Variants in ATM observed in about 807,000 individuals in gnomAD.
ATM encodes serine-protein kinase ATM.
A neutral mutation model predicts 387.0 loss-of-function variants in ATM; 308 were observed. The ratio of observed to expected loss-of-function variants is 0.80; its 90% confidence interval spans 0.73 to 0.87. The LOEUF is 0.87. Among genes scored for constraint, ATM ranks in the 40% least tolerant of loss-of-function variants. ATM has a pLI of 0.00. For synonymous variants in ATM, 1,156 were observed against 1,187.3 expected, an observed-to-expected ratio of 0.97 and a Z score of 0.54; for missense variants, 3,312 against 3,560.9, an observed-to-expected ratio of 0.93 and a Z score of 1.78.
chr11:108,363,073 C>A (rs227094), intron 61 of ATM, among the ~76,000 whole-genome samples: 83,001 of 152,054 alleles, frequency 0.55, 23,138 homozygotes, highest in Middle Eastern at 0.74. Flanking sequence ...CGAATTTCCC[C>A]AAATCATTTG....
At position 108,251,872 on chromosome 11, in the gene ATM, C is replaced by A. The variant is rs2135339708; in HGVS notation, c.1643C>A (p.Thr548Asn). 6.2e-7 allele frequency: 1 copy of A among 1,613,782 alleles called. No individual in the cohort carries two copies. The highest frequency in any genetic ancestry group is 8.5e-7 in the Non-Finnish European group (1 of 1,179,826). The change falls in exon 11 of 63, where the codon ACC becomes AAC. Residue 548 changes from threonine to asparagine, a missense_variant. By Grantham distance (65) the Thr-to-Asn change is moderately conservative. Coordinates refer to ENST00000675843, the MANE Select transcript of ATM (RefSeq NM_000051.4). Reference sequence around the variant, plus strand: ...TGCTGTTTGACTTTGGCACTGACCACCAGTATAGTTCCAGGAACGGTAAAA... The same window carrying A: ...TGCTGTTTGACTTTGGCACTGACCAACAGTATAGTTCCAGGAACGGTAAAA... ...AVCCLTLALT[T>N]SIVPGTVKMG...
chr11:108,233,964 A>C (rs1391946843), intron 4 of ATM, among the ~76,000 whole-genome samples: 1 of 152,200 alleles, frequency 6.6e-6, no homozygotes, highest in East Asian at 1.9e-4. Context: ...TTTTATTATA[A>C]TATTAATTTC....
At position 108,365,400 on chromosome 11, in the gene ATM, A is replaced by G. The variant is rs1555151874; in HGVS notation, c.9063A>G (p.Glu3021=). 6.2e-7 allele frequency: 1 copy of G among 1,614,220 alleles called. No homozygotes were observed. The highest frequency in any genetic ancestry group is 1.1e-5 in the South Asian group (1 of 91,082). ...TACAAGAGAAACTGAAAGGAGTGGA[A>G]GAAGGCACTGTGCTCAGTGTTGGTG... ...MRLQEKLKGV[E]EGTVLSVGGQ... The change falls in exon 63 of 63, where the codon GAA becomes GAG. Residue 3021 remains glutamate (E), a synonymous_variant. Transcript: ENST00000675843.
rs186524114 is a variant in ATM at position 108,348,775 on chromosome 11, T to C, written c.8671+1410T>C. Among the ~76,000 whole-genome samples the C allele has an allele frequency of 3.3e-5, 5 of 152,228 alleles. No homozygotes were observed. In the East Asian group the frequency reaches 7.7e-4, roughly 23 times the overall value. On this transcript the variant is annotated intron_variant, in intron 59 of 62. Transcript: ENST00000675843. Reference sequence around the variant, plus strand: ...GAGAGAAAATATGCCATATTCACTATAAAACAAAGAAGAAAACCCTGTCTT... The same window carrying C: ...GAGAGAAAATATGCCATATTCACTACAAAACAAAGAAGAAAACCCTGTCTT...
intron 16 of ATM, 48 bp downstream of exon 16, chr11:108,259,123 T>C: frequency 6.9e-7 from 1 of 1,459,824 alleles, no homozygotes; most frequent in South Asian, 1.2e-5. Flanking sequence ...CTAATAGGCA[T>C]AATTTTTTTG....
chr11:108,363,443 A>G (rs1329729663), intron 61 of ATM, among the ~76,000 whole-genome samples: 3 of 152,182 alleles, frequency 2.0e-5, no homozygotes, highest in Non-Finnish European at 4.4e-5. Context: ...CTAAGGAAAT[A>G]TATCTCTCCC....
At chr11:108,261,768 C>T in intron 16 of ATM, among the ~76,000 whole-genome samples, 1 of 151,940 alleles carries the variant, frequency 6.6e-6, no homozygotes, top group Admixed American at 6.6e-5. Flanking sequence ...CTAGAATAAC[C>T]AATACAGAGA....
chr11:108,236,019 G>A, intron 5 of ATM, 185 bp downstream of exon 5: 1 of 643,368 alleles, frequency 1.6e-6, no homozygotes, highest in Non-Finnish European at 2.7e-6. Context: ...TTTGAATAAA[G>A]TCATGAATAA....
At position 108,321,345 on chromosome 11, in the gene ATM, T is replaced by C. The variant is rs1232551114; in HGVS notation, c.6497T>C (p.Val2166Ala). ...ATGTGTAAGCGCAGCCTTGAGTCTG[T>C]GTATTCGCTCTATCCCACACTTAGC... is the stretch of plus-strand genomic sequence containing the variant. ...EEMCKRSLES[V>A]YSLYPTLSRL... is the part of the protein sequence containing the mutation. Residue 2166 changes from valine (V) to alanine (A), a missense_variant, in exon 45 of 63, where the codon GTG becomes GCG. Val to Ala is a moderately conservative substitution (Grantham distance 64). This residue lies in a region of ATM where 1,405 missense variants were observed against 1,604.4 expected (regional missense o/e 0.88). Coordinates refer to ENST00000675843, the MANE Select transcript of ATM (RefSeq NM_000051.4). 46 of 1,614,034 alleles carry C rather than the reference T, an allele frequency of 2.9e-5. No individual in the cohort carries two copies. The East Asian group carries it at 3.6e-4, about 13-fold the overall frequency.
intron 52 of ATM, 41 bp downstream of exon 52, chr11:108,332,078 T>G: frequency 6.2e-7 from 1 of 1,605,488 alleles, no homozygotes; most frequent in Non-Finnish European, 8.5e-7. Context: ...AAGTGTGATA[T>G]TCAGTCTTTC....
intron 4 of ATM, chr11:108,229,755 C>G (rs1034356638): frequency 1.2e-5 from 2 of 165,618 alleles, no homozygotes; most frequent in Non-Finnish European, 2.6e-5. Context: ...TGATAGCTCA[C>G]TGCAGGCTGA....
At chr11:108,243,055 A>C (rs1305587982) in intron 5 of ATM, among the ~76,000 whole-genome samples, 1 of 151,804 alleles carries the variant, frequency 6.6e-6, no homozygotes, top group Non-Finnish European at 1.5e-5. Flanking sequence ...TCCTGTCTCT[A>C]CCTAAAATAC....
intron 4 of ATM, among the ~76,000 whole-genome samples, chr11:108,233,042 A>C (rs1329022098): frequency 1.3e-5 from 2 of 151,924 alleles, no homozygotes; most frequent in African/African-American, 4.8e-5. Flanking sequence ...TTGTATTTTT[A>C]GTAGAGACGG....
chr11:108,277,647 C>G (rs2082017168), intron 22 of ATM, among the ~76,000 whole-genome samples: 1 of 152,114 alleles, frequency 6.6e-6, no homozygotes. Flanking sequence ...GTTCCCCGAC[C>G]CCTTGTGCTT....
chr11:108,325,671 A>T, intron 46 of ATM, 127 bp downstream of exon 46: 1 of 868,274 alleles, frequency 1.2e-6, no homozygotes, highest in Non-Finnish European at 1.7e-6. Flanking sequence ...TATAGTAAAA[A>T]TAATTGTTTA....
intron 43 of ATM, among the ~76,000 whole-genome samples, chr11:108,318,696 CA>C (rs200420593): frequency 6.6e-6 from 1 of 150,410 alleles, no homozygotes; most frequent in Non-Finnish European, 1.5e-5. Context: ...CTCAAAAAAA[CA>C]AAAAAAACAC....
At chr11:108,312,323 T>C (rs1366572805) in intron 39 of ATM, 88 bp from the exon 40 acceptor site, 47 of 1,006,380 alleles carry the variant, frequency 4.7e-5, no homozygotes, top group Non-Finnish European at 7.0e-5. Context: ...CCTTCATTAG[T>C]TTTTTTCTGT....
chr11:108,306,020 T>C (rs1424318602), intron 37 of ATM, among the ~76,000 whole-genome samples: 3 of 152,224 alleles, frequency 2.0e-5, no homozygotes. Context: ...CTCCCAATCC[T>C]TCCAGTCACT....
At chr11:108,345,665 AT>A (rs2137018359) in intron 57 of ATM, 77 bp from the exon 58 acceptor site, 1 of 1,217,010 alleles carries the variant, frequency 8.2e-7, no homozygotes, top group South Asian at 1.5e-5. Flanking sequence ...TATCTGTCAT[AT>A]TTTTATATAA....
Sources: allele counts gnomAD v4.1 joint callset (sites outside exome capture counted in the v4.1 genomes callset), GRCh38; gene constraint gnomAD v4.1.1; regional missense constraint gnomAD v4.1.1; transcripts MANE v1.5; gene names NCBI Gene and HGNC (gene_info 2026-07-23, HGNC 2026-07-21).